The following ARB2A variants were observed in gnomAD, a reference collection of about 807,000 sequenced individuals.
ARB2A encodes cotranscriptional regulator ARB2A.
the ARB2A span, among the ~76,000 whole-genome samples, chr5:93,921,367 G>T: frequency 6.6e-6 from 1 of 152,102 alleles, no homozygotes; most frequent in African/African-American, 2.4e-5. Flanking sequence ...AAACTTAAAG[G>T]AAGGTGAAGG....
At chr5:93,724,716 C>G in the ARB2A span, among the ~76,000 whole-genome samples, 1 of 151,912 alleles carries the variant, frequency 6.6e-6, no homozygotes, top group Non-Finnish European at 1.5e-5. Context: ...ATGGATAGTA[C>G]CAAACCCTAC....
the ARB2A span, among the ~76,000 whole-genome samples, chr5:93,853,669 G>A: frequency 6.6e-6 from 1 of 152,112 alleles, no homozygotes; most frequent in Admixed American, 6.6e-5. Context: ...TAGCATGAAG[G>A]GTTGTTGAAT....
At chr5:93,811,831 C>T in the ARB2A span, among the ~76,000 whole-genome samples, 1 of 152,220 alleles carries the variant, frequency 6.6e-6, no homozygotes, top group South Asian at 2.1e-4. Context: ...GATGCCACTG[C>T]CTTCTGATTC....
the ARB2A span, among the ~76,000 whole-genome samples, chr5:93,660,093 A>G: frequency 6.6e-6 from 1 of 152,140 alleles, no homozygotes; most frequent in South Asian, 2.1e-4. Flanking sequence ...CAGGAATTTA[A>G]AAAGTTAATC....
the ARB2A span, chr5:93,683,200 ATCATCATCCTCTTCATCATCATCG>A: frequency 6.0e-6 from 8 of 1,325,960 alleles, no homozygotes; most frequent in East Asian, 1.6e-4. Context: ...CATCATCTTC[ATCATCATCCTCTTCATCATCATCG>A]TCATCATCTT....
the ARB2A span, among the ~76,000 whole-genome samples, chr5:93,762,095 A>G: frequency 6.6e-6 from 1 of 152,188 alleles, no homozygotes; most frequent in African/African-American, 2.4e-5. Flanking sequence ...AACCACAAAG[A>G]TGGGGAAGAA....
At chr5:93,964,120 T>G in the ARB2A span, among the ~76,000 whole-genome samples, 2 of 152,024 alleles carry the variant, frequency 1.3e-5, no homozygotes, top group African/African-American at 4.8e-5. Flanking sequence ...TAACAAAAAC[T>G]GCACTGGTTT....
the ARB2A span, among the ~76,000 whole-genome samples, chr5:94,014,535 A>G: frequency 2.6e-5 from 4 of 152,330 alleles, no homozygotes; most frequent in South Asian, 8.3e-4. Context: ...ACTTTCCCCA[A>G]ATAGACAAAT....
chr5:93,946,522 C>T, the ARB2A span, among the ~76,000 whole-genome samples: 33 of 152,076 alleles, frequency 2.2e-4, no homozygotes, highest in Admixed American at 5.2e-4. Context: ...CCTGGCTCAG[C>T]CATTAGCAAT....
the ARB2A span, among the ~76,000 whole-genome samples, chr5:94,002,101 G>T: frequency 6.6e-6 from 1 of 151,896 alleles, no homozygotes; most frequent in African/African-American, 2.4e-5. Flanking sequence ...CCTTCTTCTA[G>T]ATAAAAGGAT....
the ARB2A span, among the ~76,000 whole-genome samples, chr5:94,006,309 T>G: frequency 3.3e-3 from 506 of 152,326 alleles, 4 homozygotes; most frequent in Non-Finnish European, 5.0e-3. Flanking sequence ...TCCATTTATA[T>G]AACACTACTA....
At chr5:93,774,108 T>C in the ARB2A span, among the ~76,000 whole-genome samples, 10 of 152,306 alleles carry the variant, frequency 6.6e-5, no homozygotes, top group Admixed American at 4.6e-4. Flanking sequence ...ACTACTGTAA[T>C]TGTTTTGAGG....
the ARB2A span, among the ~76,000 whole-genome samples, chr5:93,630,689 A>T: frequency 6.6e-6 from 1 of 151,968 alleles, no homozygotes; most frequent in African/African-American, 2.4e-5. Flanking sequence ...TTATCTCAGC[A>T]CTTTGAGAGG....
the ARB2A span, among the ~76,000 whole-genome samples, chr5:93,632,887 A>C: frequency 2.6e-5 from 4 of 152,226 alleles, no homozygotes; most frequent in Non-Finnish European, 5.9e-5. Context: ...ACATTTTGCT[A>C]ACAATTCTGC....
the ARB2A span, among the ~76,000 whole-genome samples, chr5:93,973,193 C>G: frequency 1.3e-5 from 2 of 151,894 alleles, no homozygotes; most frequent in African/African-American, 4.8e-5. Context: ...CTTATGCAAT[C>G]CTCCCAACTT....
chr5:94,007,765 ACT>A, the ARB2A span, among the ~76,000 whole-genome samples: 6 of 146,288 alleles, frequency 4.1e-5, no homozygotes, highest in Non-Finnish European at 7.5e-5. Context: ...ACAAAGCAAG[ACT>A]CTGTCTCAAA....
chr5:94,015,508 C>A, the ARB2A span, among the ~76,000 whole-genome samples: 90 of 152,202 alleles, frequency 5.9e-4, 1 homozygote, highest in Middle Eastern at 3.4e-3. Flanking sequence ...CCAGAATACT[C>A]TAATACAGTA....
chr5:94,057,937 G>A, the ARB2A span, among the ~76,000 whole-genome samples: 2,180 of 152,200 alleles, frequency 0.014, 54 homozygotes, highest in African/African-American at 0.049. Flanking sequence ...GAGAAGGAGC[G>A]CAGGGGAAAC....
At chr5:94,090,939 G>A in the ARB2A span, among the ~76,000 whole-genome samples, 1 of 152,044 alleles carries the variant, frequency 6.6e-6, no homozygotes, top group Non-Finnish European at 1.5e-5. Flanking sequence ...TCCATGTAAA[G>A]AAGGCGCTTC....
Sources: gnomAD v4.1 joint callset for allele counts (sites outside exome capture counted in the v4.1 genomes callset) on GRCh38, gnomAD v4.1.1 for gene constraint, MANE v1.5 for transcripts, NCBI Gene and HGNC (gene_info 2026-07-23, HGNC 2026-07-21) for gene names.